RARB: variants seen among roughly 807,000 people sequenced by gnomAD.
RARB encodes the protein HBV-activated protein.
In RARB, 17 loss-of-function variants were observed where a neutral mutation model predicts 51.9. That is an observed-to-expected ratio of 0.33 (90% confidence interval 0.22 to 0.49). RARB has a LOEUF of 0.49. Among genes scored for constraint, RARB ranks in the 20% least tolerant of loss-of-function variants. RARB has a pLI of 0.99. For missense variants in RARB, 369 were observed against 550.8 expected, an observed-to-expected ratio of 0.67 and a Z score of 3.30; for synonymous variants, 215 against 195.4, an observed-to-expected ratio of 1.10 and a Z score of -0.84.
At chr3:25,039,451 T>G (rs2125294142) in intron 2 of RARB, among the ~76,000 whole-genome samples, 2 of 152,298 alleles carry the variant, frequency 1.3e-5, no homozygotes, top group South Asian at 4.1e-4. Context: ...CTAGTAATTT[T>G]AATTCAACAA....
At chr3:25,338,074 T>C (rs1254644019) in intron 5 of RARB, among the ~76,000 whole-genome samples, 4 of 145,168 alleles carry the variant, frequency 2.8e-5, no homozygotes, top group Non-Finnish European at 6.1e-5. Flanking sequence ...AGCATGTGTA[T>C]GTCACCCCCC....
At chr3:25,414,596 A>G (rs946884761) in intron 5 of RARB, among the ~76,000 whole-genome samples, 1 of 152,212 alleles carries the variant, frequency 6.6e-6, no homozygotes, top group Non-Finnish European at 1.5e-5. Context: ...AATTTTAGCA[A>G]TTCCAATAGG....
At chr3:24,941,675 C>T (rs1425587702) in intron 2 of RARB, among the ~76,000 whole-genome samples, 1 of 152,158 alleles carries the variant, frequency 6.6e-6, no homozygotes, top group African/African-American at 2.4e-5. Flanking sequence ...AGATAAAAGG[C>T]AGTCTTTCAA....
chr3:24,868,327 A>G (rs556870540), intron 2 of RARB, among the ~76,000 whole-genome samples: 24 of 152,324 alleles, frequency 1.6e-4, no homozygotes, highest in African/African-American at 5.5e-4. Flanking sequence ...AAATGATGCC[A>G]AACTTACTTA....
At chr3:25,290,931 C>T (rs541029315) in intron 5 of RARB, among the ~76,000 whole-genome samples, 133 of 152,224 alleles carry the variant, frequency 8.7e-4, no homozygotes, top group African/African-American at 3.1e-3. Flanking sequence ...CGCCAGTGTT[C>T]GAGCCCTCTC....
rs548244142 is a variant in RARB at position 25,466,774 on chromosome 3, A to C, written c.306+5433A>C. On this transcript the variant is annotated intron_variant, in intron 2 of 7. Coordinates refer to ENST00000330688, the MANE Select transcript of RARB (RefSeq NM_000965.5). The stretch of plus-strand genomic sequence containing the variant: ...TGAGGGCTATGTGGTCTTTGCTGCC[A>C]TTATTCAACTCTGTCACTGTAGCAT... Among the ~76,000 whole-genome samples, 6 of 152,350 alleles carry C rather than the reference A, an allele frequency of 3.9e-5. No homozygotes were observed. In the East Asian group the frequency reaches 1.2e-3, roughly 29 times the overall value.
chr3:25,372,826 C>T (rs915870338), intron 5 of RARB, among the ~76,000 whole-genome samples: 2 of 151,586 alleles, frequency 1.3e-5, no homozygotes, highest in African/African-American at 4.8e-5. Context: ...ACTCTATCTC[C>T]AAAAAGGAAA....
intron 2 of RARB, among the ~76,000 whole-genome samples, chr3:25,470,732 T>C (rs750408134): frequency 2.0e-5 from 3 of 152,214 alleles, no homozygotes; most frequent in Non-Finnish European, 2.9e-5. Context: ...GAAGCCTTCC[T>C]TTGGAACCCC....
At chr3:25,304,690 T>A (rs1017507597) in intron 5 of RARB, among the ~76,000 whole-genome samples, 1 of 152,204 alleles carries the variant, frequency 6.6e-6, no homozygotes, top group African/African-American at 2.4e-5. Flanking sequence ...CCTGGGTTAT[T>A]ATAATAGTTA....
intron 5 of RARB, among the ~76,000 whole-genome samples, chr3:25,581,899 ATGT>A (rs961973595): frequency 2.0e-5 from 3 of 152,018 alleles, no homozygotes; most frequent in African/African-American, 7.3e-5. Flanking sequence ...GGAGAAGCAA[ATGT>A]TGTTGTTTAA....
At chr3:25,013,239 G>A (rs1397746386) in intron 2 of RARB, among the ~76,000 whole-genome samples, 1 of 152,112 alleles carries the variant, frequency 6.6e-6, no homozygotes, top group Non-Finnish European at 1.5e-5. Context: ...GAAGACCAGT[G>A]TTTAGCTTTG....
At chr3:24,864,181 T>C (rs1702806641) in intron 2 of RARB, among the ~76,000 whole-genome samples, 3 of 152,176 alleles carry the variant, frequency 2.0e-5, no homozygotes, top group Admixed American at 6.5e-5. Context: ...GATGTTCTGA[T>C]TGCAGGCATG....
chr3:25,169,130 A>C (rs1220420515), intron 4 of RARB, among the ~76,000 whole-genome samples: 1 of 152,220 alleles, frequency 6.6e-6, no homozygotes, highest in Non-Finnish European at 1.5e-5. Context: ...CAACACAAAA[A>C]TATTGTAATT....
chr3:24,840,279 T>C (rs778888843), intron 1 of RARB, among the ~76,000 whole-genome samples: 12 of 152,230 alleles, frequency 7.9e-5, no homozygotes, highest in Non-Finnish European at 1.5e-4. Context: ...GACTTGTAAC[T>C]GCCTAGATGG....
At chr3:24,874,675 C>G (rs1703008833) in intron 2 of RARB, among the ~76,000 whole-genome samples, 1 of 151,728 alleles carries the variant, frequency 6.6e-6, no homozygotes, top group East Asian at 1.9e-4. Flanking sequence ...TATTTTGCCT[C>G]TTTACATAGC....
At chr3:25,391,489 TG>T (rs2125487474) in intron 5 of RARB, among the ~76,000 whole-genome samples, 1 of 152,328 alleles carries the variant, frequency 6.6e-6, no homozygotes, top group African/African-American at 2.4e-5. Context: ...TCATAGTGGT[TG>T]TACTAGTTTA....
chr3:25,096,227 T>C (rs1699289772), intron 3 of RARB, among the ~76,000 whole-genome samples: 1 of 152,180 alleles, frequency 6.6e-6, no homozygotes, highest in African/African-American at 2.4e-5. Context: ...GTTTTGTTGG[T>C]CCTTGTGACA....
At chr3:25,445,321 G>A (rs914877962) in intron 1 of RARB, among the ~76,000 whole-genome samples, 6 of 152,240 alleles carry the variant, frequency 3.9e-5, no homozygotes, top group East Asian at 1.9e-4. Flanking sequence ...CCACGTTGCC[G>A]TAAACTGGGT....
At chr3:25,146,511 G>GTTTTTTTTTT (rs1197635626) in intron 4 of RARB, among the ~76,000 whole-genome samples, 1 of 134,520 alleles carries the variant, frequency 7.4e-6, no homozygotes, top group Non-Finnish European at 1.6e-5. Context: ...TTGTTTGTTT[G>GTTTTTTTTTT]TTTTTTTTTT....
Sources: allele counts gnomAD v4.1 joint callset (sites outside exome capture counted in the v4.1 genomes callset), GRCh38; gene constraint gnomAD v4.1.1; transcripts MANE v1.5; gene names NCBI Gene and HGNC (gene_info 2026-07-23, HGNC 2026-07-21).